The following EIF3I variants were observed in gnomAD, a reference collection of about 807,000 sequenced individuals.
EIF3I encodes the protein TGF-beta receptor-interacting protein 1.
EIF3I carries 20 observed loss-of-function variants against 43.3 expected under a neutral mutation model. That is an observed-to-expected ratio of 0.46 (90% CI 0.32 to 0.67). EIF3I has a LOEUF of 0.67. Ranked by LOEUF, EIF3I falls within the 30% of genes least tolerant of loss-of-function variation. The pLI is 0.03. For missense variants in EIF3I, 279 were observed against 421.4 expected (o/e 0.66, Z 2.96); for synonymous variants, 167 against 151.7 (o/e 1.10, Z -0.74).
At chr1:32,230,561 C>T (rs1227119479) in intron 10 of EIF3I, among the ~76,000 whole-genome samples, 5 of 152,036 alleles carry the variant, frequency 3.3e-5, no homozygotes, top group Non-Finnish European at 5.9e-5. Context: ...CATTTGAGGC[C>T]AGGTGTGGTG....
At position 32,223,154 on chromosome 1, in the gene EIF3I, G is replaced by A. The variant is rs529502048; in HGVS notation, c.96+524G>A. ...TAATCTAATCTTTCTACCAGGATAG[G>A]TGCAGGCTGTGTTATTCAGACACAG... On this transcript the variant is annotated intron_variant, in intron 2 of 11. Transcript: ENST00000676679. 2.0e-5 allele frequency among the ~76,000 whole-genome samples: 3 copies of A among 152,324 alleles called. No homozygotes were observed. The South Asian group carries it at 6.2e-4, about 32-fold the overall frequency.
At chr1:32,233,666 A>G (rs1257948414), downstream of EIF3I, among the ~76,000 whole-genome samples, 2 of 152,208 alleles carry the variant, frequency 1.3e-5, no homozygotes, top group Non-Finnish European at 2.9e-5. Context: ...AACACCCAGC[A>G]GGTGAGTGGT....
intron 6 of EIF3I, among the ~76,000 whole-genome samples, chr1:32,226,821 T>A (rs951712949): frequency 3.4e-4 from 45 of 130,840 alleles, no homozygotes; most frequent in African/African-American, 1.3e-3. Context: ...CCACCGCTCG[T>A]GGCTTTTTTT....
rs749205024 is a variant in EIF3I, at chr1:32,223,986, C to G, written c.97-48C>G. The G allele has an allele frequency of 3.8e-6, 6 of 1,572,786 alleles. No homozygotes were observed. In the South Asian group the frequency reaches 6.7e-5, roughly 17 times the overall value. On this transcript the variant is annotated intron_variant, in intron 2 of 11. Transcript: ENST00000676679. ...GGGTTCCTGGGGCAAAATAGGAAGC[C>G]ATTGCTCTTACTGGGATGTGTACTA...
At chr1:32,228,986 C>T in intron 8 of EIF3I, 149 bp from the exon 9 acceptor site, 1 of 1,043,060 alleles carries the variant, frequency 9.6e-7, no homozygotes. Context: ...GGGCAGCCAG[C>T]AGGAGGTGGC....
chr1:32,228,985 G>A, intron 8 of EIF3I, 150 bp from the exon 9 acceptor site: 1 of 1,032,942 alleles, frequency 9.7e-7, no homozygotes, highest in African/African-American at 1.6e-5. Flanking sequence ...AGGGCAGCCA[G>A]CAGGAGGTGG....
chr1:32,233,537 T>C (rs1401720287), downstream of EIF3I, among the ~76,000 whole-genome samples: 3 of 151,522 alleles, frequency 2.0e-5, no homozygotes, highest in East Asian at 2.0e-4. Flanking sequence ...GTGACCTGCC[T>C]GCCTCAGCTC....
intron 9 of EIF3I, among the ~76,000 whole-genome samples, chr1:32,229,547 CTTTTTTT>C (rs1199129615): frequency 1.9e-5 from 2 of 104,486 alleles, no homozygotes; most frequent in East Asian, 2.6e-4. Flanking sequence ...CGTGCCCAGC[CTTTTTTT>C]TTTTTTTTTT....
rs762515370 is a variant in EIF3I at position 32,229,102 on chromosome 1, T to C, written c.730-33T>C. 5.6e-6 allele frequency: 9 copies of C among 1,595,688 alleles called. No homozygotes were observed. The African/African-American group carries it at 1.2e-4, about 22-fold the overall frequency. On this transcript the variant is annotated intron_variant, in intron 8 of 11. Transcript: ENST00000676679. Reference sequence around the variant, plus strand: ...AAACACAAAATGGACTTGGTGTCCATTGGTCCCATCTAGAGTTTCTTCTTC... The same window carrying C: ...AAACACAAAATGGACTTGGTGTCCACTGGTCCCATCTAGAGTTTCTTCTTC...
At chr1:32,232,935 T>C (rs370366156), downstream of EIF3I, among the ~76,000 whole-genome samples, 1 of 152,214 alleles carries the variant, frequency 6.6e-6, no homozygotes, top group Non-Finnish European at 1.5e-5. Flanking sequence ...CTGGGACTGA[T>C]AGGCAGCATA....
chr1:32,226,002 A>G, intron 4 of EIF3I, 169 bp from the exon 5 acceptor site: 2 of 850,934 alleles, frequency 2.4e-6, no homozygotes, highest in Non-Finnish European at 3.4e-6. Flanking sequence ...CAGCCTGGGC[A>G]ACAGAGTGAA....
downstream of EIF3I, among the ~76,000 whole-genome samples, chr1:32,235,417 G>A (rs962016228): frequency 6.6e-6 from 1 of 150,804 alleles, no homozygotes. Context: ...TGCAACCTCC[G>A]CCTCCCGGGT....
chr1:32,224,327 C>A, intron 3 of EIF3I, 83 bp from the exon 4 acceptor site: 2 of 1,281,588 alleles, frequency 1.6e-6, no homozygotes, highest in Non-Finnish European at 2.3e-6. Flanking sequence ...CTCTTTGGGG[C>A]TGAACAGGGA....
At chr1:32,235,983 TAA>T (rs1639293758), downstream of EIF3I, among the ~76,000 whole-genome samples, 1 of 152,186 alleles carries the variant, frequency 6.6e-6, no homozygotes, top group African/African-American at 2.4e-5. Context: ...GCCTTGAGGA[TAA>T]AGTCTAAGCT....
chr1:32,223,942 C>G, intron 2 of EIF3I, 92 bp from the exon 3 acceptor site: 1 of 1,122,028 alleles, frequency 8.9e-7, no homozygotes, highest in Non-Finnish European at 1.4e-6. Context: ...GCAGAATCAG[C>G]CTTGCTACAG....
chr1:32,225,336 A>T (rs1639126429), intron 4 of EIF3I, among the ~76,000 whole-genome samples: 1 of 152,242 alleles, frequency 6.6e-6, no homozygotes, highest in African/African-American at 2.4e-5. Context: ...GGGAAATCAG[A>T]TCAGGTCTTT....
At chr1:32,231,695 C>G (rs1475532922), downstream of EIF3I, 1 of 164,576 alleles carries the variant, frequency 6.1e-6, no homozygotes, top group East Asian at 1.8e-4. Context: ...TGAGACCTCC[C>G]TATACTTTGG....
At chr1:32,228,871 A>G in intron 8 of EIF3I, 55 bp downstream of exon 8, 3 of 1,438,846 alleles carry the variant, frequency 2.1e-6, no homozygotes, top group African/African-American at 1.4e-5. Context: ...TCCAAGTTCT[A>G]GATGCTTGTC....
At chr1:32,223,293 T>G (rs1045961580) in intron 2 of EIF3I, among the ~76,000 whole-genome samples, 1 of 152,142 alleles carries the variant, frequency 6.6e-6, no homozygotes, top group African/African-American at 2.4e-5. Flanking sequence ...TTTTATTTTA[T>G]TTTTTCTTGA....
Sources: allele counts gnomAD v4.1 joint callset (sites outside exome capture counted in the v4.1 genomes callset), GRCh38; gene constraint gnomAD v4.1.1; transcripts MANE v1.5; gene names NCBI Gene and HGNC (gene_info 2026-07-23, HGNC 2026-07-21).